Variants in LINGO2 observed in about 807,000 individuals in gnomAD.
LINGO2 encodes the protein leucine-rich repeat and immunoglobulin-like domain-containing nogo receptor-interacting protein 2.
A neutral mutation model predicts 30.6 loss-of-function variants in LINGO2; 14 were observed. That is an observed-to-expected ratio of 0.46 (90% CI 0.30 to 0.72). LINGO2 has a LOEUF of 0.72. Ranked by LOEUF, LINGO2 falls within the 30% of genes least tolerant of loss-of-function variation. The pLI is 0.07. For synonymous variants in LINGO2, 317 were observed against 288.5 expected (o/e 1.10, Z -1.00); for missense variants, 729 against 751.7 (o/e 0.97, Z 0.35).
the LINGO2 span, among the ~76,000 whole-genome samples, chr9:28,916,171 C>T: frequency 6.6e-6 from 1 of 152,152 alleles, no homozygotes; most frequent in Non-Finnish European, 1.5e-5. Context: ...AAAGCAGACG[C>T]TTTGTTACAA....
At chr9:28,128,633 G>A (rs1827302363) in intron 4 of LINGO2, among the ~76,000 whole-genome samples, 1 of 152,106 alleles carries the variant, frequency 6.6e-6, no homozygotes, top group Admixed American at 6.5e-5. Context: ...ATGCAGTGCT[G>A]CTCCAAGGCT....
At chr9:28,186,394 A>C (rs1819544525) in intron 4 of LINGO2, among the ~76,000 whole-genome samples, 1 of 152,198 alleles carries the variant, frequency 6.6e-6, no homozygotes, top group Non-Finnish European at 1.5e-5. Flanking sequence ...GCAGATACTT[A>C]CAGAAGGTCT....
Position 28,495,021 on chromosome 9 carries a change from G to C in LINGO2, c.-364-18996C>G, listed in dbSNP as rs528276611. Among the ~76,000 whole-genome samples, 12 of 152,288 alleles carry C rather than the reference G, an allele frequency of 7.9e-5. No homozygotes were observed. The East Asian group carries it at 1.7e-3, about 22-fold the overall frequency. ...GTTGGCTGCATAAATGTTTTCTTTT[G>C]AGAAGTGTCTGTTCATATCCTTCGC... On this transcript the variant is annotated intron_variant, in intron 1 of 5. Coordinates refer to ENST00000379992, the Ensembl canonical transcript of LINGO2.
At chr9:28,877,870 C>A in the LINGO2 span, among the ~76,000 whole-genome samples, 2 of 152,148 alleles carry the variant, frequency 1.3e-5, no homozygotes, top group East Asian at 1.9e-4. Flanking sequence ...GATATTGATT[C>A]TTCCTACCAA....
the LINGO2 span, among the ~76,000 whole-genome samples, chr9:29,182,620 A>G: frequency 6.6e-6 from 1 of 152,080 alleles, no homozygotes; most frequent in Non-Finnish European, 1.5e-5. Flanking sequence ...GGGCCAACAG[A>G]TTACTCTTTT....
chr9:28,153,543 A>C (rs1331685517), intron 4 of LINGO2, among the ~76,000 whole-genome samples: 2 of 152,234 alleles, frequency 1.3e-5, no homozygotes, highest in Non-Finnish European at 2.9e-5. Context: ...ATTTTAAAAT[A>C]GAATGCAACC....
intron 2 of LINGO2, among the ~76,000 whole-genome samples, chr9:28,421,882 A>G (rs1054704592): frequency 2.0e-5 from 3 of 152,094 alleles, no homozygotes; most frequent in Non-Finnish European, 2.9e-5. Context: ...ATGATTTTCC[A>G]CAAGAGCGAC....
chr9:28,171,205 A>T (rs889752749), intron 4 of LINGO2, among the ~76,000 whole-genome samples: 1 of 152,228 alleles, frequency 6.6e-6, no homozygotes, highest in Non-Finnish European at 1.5e-5. Flanking sequence ...CGACTGCAAC[A>T]TGAAATTGGA....
At chr9:28,453,736 T>C (rs1326967334) in intron 2 of LINGO2, among the ~76,000 whole-genome samples, 1 of 151,974 alleles carries the variant, frequency 6.6e-6, no homozygotes, top group African/African-American at 2.4e-5. Context: ...TGATGCTCCT[T>C]TTGCTCAAGA....
intron 1 of LINGO2, among the ~76,000 whole-genome samples, chr9:28,566,011 CT>C (rs1040748255): frequency 6.6e-6 from 1 of 152,028 alleles, no homozygotes; most frequent in Non-Finnish European, 1.5e-5. Flanking sequence ...TTTTGTGAAA[CT>C]TTTTTTCATT....
chr9:28,824,533 C>A, the LINGO2 span, among the ~76,000 whole-genome samples: 1 of 152,094 alleles, frequency 6.6e-6, no homozygotes, highest in Non-Finnish European at 1.5e-5. Flanking sequence ...AATGGCAAAT[C>A]AGTTTCAAGT....
At chr9:29,114,386 A>T in the LINGO2 span, among the ~76,000 whole-genome samples, 7 of 78,532 alleles carry the variant, frequency 8.9e-5, no homozygotes, top group Non-Finnish European at 1.6e-4. Flanking sequence ...TTCTTTTATT[A>T]TTATTATTAT....
intron 4 of LINGO2, among the ~76,000 whole-genome samples, chr9:28,221,514 G>T (rs1052945519): frequency 6.6e-6 from 1 of 151,928 alleles, no homozygotes; most frequent in Non-Finnish European, 1.5e-5. Context: ...GTTGGGATCC[G>T]ATTTAAAAAA....
At chr9:28,102,060 T>C (rs1826433340) in intron 4 of LINGO2, among the ~76,000 whole-genome samples, 2 of 152,226 alleles carry the variant, frequency 1.3e-5, no homozygotes, top group East Asian at 1.9e-4. Context: ...ACTGAGCATT[T>C]TGAATGCTTT....
At chr9:28,043,714 C>T (rs1824293638) in intron 4 of LINGO2, among the ~76,000 whole-genome samples, 1 of 152,134 alleles carries the variant, frequency 6.6e-6, no homozygotes, top group South Asian at 2.1e-4. Flanking sequence ...CATCTACCAC[C>T]TTTCTTGTCC....
intron 1 of LINGO2, among the ~76,000 whole-genome samples, chr9:28,656,966 G>T (rs1828372455): frequency 6.6e-6 from 1 of 152,050 alleles, no homozygotes; most frequent in Non-Finnish European, 1.5e-5. Context: ...GTGAGGAACT[G>T]AGTTCTCCAA....
At chr9:28,752,690 A>T in the LINGO2 span, among the ~76,000 whole-genome samples, 1 of 152,050 alleles carries the variant, frequency 6.6e-6, no homozygotes, top group Admixed American at 6.6e-5. Flanking sequence ...GGCTCAGAGA[A>T]GTTTGGAAAC....
At chr9:28,896,456 T>G in the LINGO2 span, among the ~76,000 whole-genome samples, 1 of 143,794 alleles carries the variant, frequency 7.0e-6, no homozygotes, top group Non-Finnish European at 1.5e-5. Flanking sequence ...GATGTAACTA[T>G]GTATGCACAA....
At chr9:28,156,650 G>T (rs767420262) in intron 4 of LINGO2, among the ~76,000 whole-genome samples, 12 of 152,184 alleles carry the variant, frequency 7.9e-5, no homozygotes, top group Non-Finnish European at 1.6e-4. Context: ...TCTCATCCGA[G>T]ACAAGACAAA....
Sources: gnomAD v4.1 joint callset for allele counts (sites outside exome capture counted in the v4.1 genomes callset) on GRCh38, gnomAD v4.1.1 for gene constraint, MANE v1.5 for transcripts, NCBI Gene and HGNC (gene_info 2026-07-23, HGNC 2026-07-21) for gene names.